CPAP: variants seen among roughly 807,000 people sequenced by gnomAD.
The protein encoded by CPAP is centrosomal P4.1-associated protein.
the CPAP span, among the ~76,000 whole-genome samples, chr13:24,923,236 T>G: frequency 7.6e-6 from 1 of 132,338 alleles, no homozygotes; most frequent in Non-Finnish European, 1.6e-5. Flanking sequence ...GGAGGTGTTT[T>G]GGGTTTTGTT....
At chr13:24,898,132 G>A in the CPAP span, among the ~76,000 whole-genome samples, 2 of 152,152 alleles carry the variant, frequency 1.3e-5, no homozygotes, top group African/African-American at 4.8e-5. Context: ...CTGACCTCAA[G>A]CCATCTGCCT....
chr13:24,899,602 T>C, the CPAP span: 1 of 1,606,430 alleles, frequency 6.2e-7, no homozygotes. Flanking sequence ...GACCAAACTA[T>C]GTTATCACCT....
At chr13:24,905,748 T>C in the CPAP span, 1 of 1,614,208 alleles carries the variant, frequency 6.2e-7, no homozygotes, top group Non-Finnish European at 8.5e-7. Context: ...TCATCGCTAC[T>C]GTAATCTTTA....
the CPAP span, among the ~76,000 whole-genome samples, chr13:24,901,762 C>T: frequency 3.3e-5 from 5 of 152,312 alleles, no homozygotes; most frequent in African/African-American, 1.2e-4. Flanking sequence ...GAGGCCAAGG[C>T]AGGGGGATCA....
the CPAP span, among the ~76,000 whole-genome samples, chr13:24,916,834 C>T: frequency 6.6e-6 from 1 of 152,144 alleles, no homozygotes; most frequent in Non-Finnish European, 1.5e-5. Flanking sequence ...TCATATTATG[C>T]AACTGTTAAA....
the CPAP span, among the ~76,000 whole-genome samples, chr13:24,903,482 C>T: frequency 6.6e-6 from 1 of 152,336 alleles, no homozygotes; most frequent in Non-Finnish European, 1.5e-5. Flanking sequence ...GAAATACCAA[C>T]GTGTGCCTGA....
At chr13:24,921,972 G>A in the CPAP span, among the ~76,000 whole-genome samples, 6 of 152,260 alleles carry the variant, frequency 3.9e-5, no homozygotes, top group East Asian at 1.2e-3. Flanking sequence ...AGGGAGCATT[G>A]ATAATATATA....
chr13:24,894,746 G>A, the CPAP span, among the ~76,000 whole-genome samples: 1 of 152,150 alleles, frequency 6.6e-6, no homozygotes. Context: ...CTCCGTGGGC[G>A]GGACACGGGG....
At chr13:24,923,789 G>T in the CPAP span, among the ~76,000 whole-genome samples, 3 of 151,806 alleles carry the variant, frequency 2.0e-5, no homozygotes, top group Non-Finnish European at 4.4e-5. Flanking sequence ...TCTAAATCAA[G>T]ATTTCGGTTT....
At chr13:24,905,063 C>T in the CPAP span, among the ~76,000 whole-genome samples, 3 of 152,056 alleles carry the variant, frequency 2.0e-5, no homozygotes, top group Non-Finnish European at 2.9e-5. Context: ...AATACACAAA[C>T]GAAATGGTAA....
At chr13:24,930,913 A>G in the CPAP span, among the ~76,000 whole-genome samples, 1 of 152,190 alleles carries the variant, frequency 6.6e-6, no homozygotes, top group Non-Finnish European at 1.5e-5. Context: ...TGGTTGAGCT[A>G]ATTTACATCC....
chr13:24,907,546 C>T, the CPAP span, among the ~76,000 whole-genome samples: 1 of 151,582 alleles, frequency 6.6e-6, no homozygotes, highest in Non-Finnish European at 1.5e-5. Context: ...AATGTGAGAA[C>T]AATAATCAGA....
the CPAP span, among the ~76,000 whole-genome samples, chr13:24,921,464 G>T: frequency 6.6e-6 from 1 of 152,090 alleles, no homozygotes; most frequent in Non-Finnish European, 1.5e-5. Flanking sequence ...CCAAATTTTT[G>T]ACTTCAACAA....
chr13:24,893,455 G>A, the CPAP span, among the ~76,000 whole-genome samples: 5 of 152,366 alleles, frequency 3.3e-5, no homozygotes, highest in African/African-American at 4.8e-5. Flanking sequence ...GCAGGGCACC[G>A]AAGCCCATCA....
At chr13:24,916,365 T>C in the CPAP span, among the ~76,000 whole-genome samples, 3 of 152,194 alleles carry the variant, frequency 2.0e-5, no homozygotes, top group African/African-American at 7.2e-5. Flanking sequence ...CAAACACGTA[T>C]GTCATTTCAT....
the CPAP span, among the ~76,000 whole-genome samples, chr13:24,897,856 G>A: frequency 6.6e-6 from 1 of 152,140 alleles, no homozygotes; most frequent in African/African-American, 2.4e-5. Context: ...TTGATACTAA[G>A]GAATTACTGT....
the CPAP span, chr13:24,883,401 A>C: frequency 7.0e-7 from 1 of 1,425,354 alleles, no homozygotes. Flanking sequence ...TGATTTCTTA[A>C]AAAAAAAATA....
chr13:24,917,528 C>T, the CPAP span, among the ~76,000 whole-genome samples: 2 of 152,166 alleles, frequency 1.3e-5, no homozygotes, highest in African/African-American at 2.4e-5. Flanking sequence ...CATCACCCCC[C>T]AGATTGCAAA....
the CPAP span, among the ~76,000 whole-genome samples, chr13:24,890,226 T>C: frequency 2.0e-5 from 3 of 152,206 alleles, no homozygotes; most frequent in Non-Finnish European, 4.4e-5. Context: ...TATGGCAAAA[T>C]GTTCCTAGTG....
Sources: allele counts gnomAD v4.1 joint callset (sites outside exome capture counted in the v4.1 genomes callset), GRCh38; gene constraint gnomAD v4.1.1; transcripts MANE v1.5; gene names NCBI Gene and HGNC (gene_info 2026-07-23, HGNC 2026-07-21).